Variants in UBA6 observed in about 807,000 individuals in gnomAD.
The protein encoded by UBA6 is ubiquitin like modifier activating enzyme 6.
In UBA6, 87 loss-of-function variants were observed where a neutral mutation model predicts 148.3. The ratio of observed to expected loss-of-function variants is 0.59; its 90% CI spans 0.49 to 0.70. The LOEUF is 0.70. Among genes scored for constraint, UBA6 ranks in the 30% least tolerant of loss-of-function variants. UBA6 has a pLI of 0.00. For missense variants in UBA6, 1,186 were observed against 1,241.2 expected, an observed-to-expected ratio of 0.96 and a Z score of 0.67; for synonymous variants, 376 against 401.0, an observed-to-expected ratio of 0.94 and a Z score of 0.75.
chr4:67,639,207 G>C (rs1729244234), intron 18 of UBA6, 83 bp from the exon 19 acceptor site: 2 of 1,081,876 alleles, frequency 1.8e-6, no homozygotes. Context: ...AGAGTGATAA[G>C]AATGTGTAAG....
chr4:67,623,153 A>C lies in UBA6; in HGVS notation c.2910T>G (p.Asp970Glu), dbSNP rs1400089560. 1 of 1,612,664 alleles carries C rather than the reference A, an allele frequency of 6.2e-7. No homozygotes were observed. The highest frequency in any genetic ancestry group is 1.7e-4 in the Middle Eastern group (1 of 6,056). Residue 970 changes from aspartate to glutamate, a missense_variant, in exon 31 of 33, where the codon GAT becomes GAG. Transcript: ENST00000322244. Reference protein sequence around the residue: ...VHGKEDFTLLDFINAVKEKYG... With the variant: ...VHGKEDFTLLEFINAVKEKYG... The stretch of plus-strand genomic sequence containing the variant: ...ATCTCACTTTGACTGCATTTATGAA[A>C]TCCAAGAGGGTGAAATCTTCTTTTC...
intron 2 of UBA6, among the ~76,000 whole-genome samples, chr4:67,688,456 A>T (rs992606602): frequency 2.6e-5 from 4 of 152,160 alleles, no homozygotes; most frequent in Non-Finnish European, 2.9e-5. Context: ...ATACCATCAG[A>T]GGTAGTAAAA....
chr4:67,696,404 T>A (rs1730835033), intron 2 of UBA6, among the ~76,000 whole-genome samples: 1 of 147,866 alleles, frequency 6.8e-6, no homozygotes, highest in South Asian at 2.2e-4. Flanking sequence ...TGTGTATATA[T>A]ACACACACAT....
In UBA6 at chr4:67,649,050, T is replaced by C; in HGVS notation, c.1248+18A>G. 1 of 1,603,808 alleles carries C rather than the reference T, an allele frequency of 6.2e-7. No homozygotes were observed. Among genetic ancestry groups the C allele is most frequent in the South Asian group, 1.1e-5 (1 of 88,900 alleles). On this transcript the variant is annotated intron_variant, in intron 14 of 32. Coordinates refer to ENST00000322244, the MANE Select transcript of UBA6 (RefSeq NM_018227.6). Reference sequence around the variant, plus strand: ...ATTTCACGAGTAAAGAATTCAACTTTAAAAACTCAGAACTAACCCACTGGC... The same window carrying C: ...ATTTCACGAGTAAAGAATTCAACTTCAAAAACTCAGAACTAACCCACTGGC...
intron 27 of UBA6, among the ~76,000 whole-genome samples, chr4:67,628,825 A>G (rs1268648657): frequency 6.6e-6 from 1 of 151,998 alleles, no homozygotes; most frequent in African/African-American, 2.4e-5. Context: ...GTGGGCATAA[A>G]AAAATATTAA....
chr4:67,682,140 C>A lies in UBA6; in HGVS notation c.208G>T (p.Gly70Cys), dbSNP rs1284325175. 6.2e-7 allele frequency: 1 copy of A among 1,613,668 alleles called. No individual in the cohort carries two copies. The highest frequency in any genetic ancestry group is 1.1e-5 in the South Asian group (1 of 91,044). Residue 70 changes from glycine to cysteine, a missense_variant, in exon 3 of 33, where the codon GGT (glycine) becomes TGT (cysteine). Physicochemically the swap from Gly to Cys is radical, Grantham distance 159. Coordinates refer to ENST00000322244, the MANE Select transcript of UBA6 (RefSeq NM_018227.6). Reference protein sequence around the residue: ...AKSHVFLSGMGGLGLEIAKNL... With the variant: ...AKSHVFLSGMCGLGLEIAKNL... ...TTACCAATTTCCAAACCAAGACCAC[C>A]CATCCCACTTAAGAAAACATGGGAC...
At chr4:67,634,004 C>T (rs1013354099) in intron 22 of UBA6, among the ~76,000 whole-genome samples, 13 of 151,938 alleles carry the variant, frequency 8.6e-5, no homozygotes, top group Admixed American at 6.6e-4. Context: ...TTTATTAGCT[C>T]GCACCATACG....
chr4:67,637,283 T>G (rs71418230), intron 19 of UBA6, among the ~76,000 whole-genome samples: 1 of 145,152 alleles, frequency 6.9e-6, no homozygotes, highest in African/African-American at 2.6e-5. Context: ...GGGCAGCCCC[T>G]GCCCGGCCAG....
rs1285045978 is a variant in UBA6, at chr4:67,618,985, A to G, written c.*12T>C. 1.9e-6 allele frequency: 3 copies of G among 1,611,558 alleles called. No individual in the cohort carries two copies. Among genetic ancestry groups the G allele is most frequent in the Non-Finnish European group, 2.5e-6 (3 of 1,179,330 alleles). On this transcript the variant is annotated 3_prime_UTR_variant, in exon 33 of 33. Transcript: ENST00000322244. Reference sequence around the variant, plus strand: ...ATCAAGTGGTCCTGGAGTAACGTTAAGACAACTTGTATTAATCAGTGTCAT... The same window carrying G: ...ATCAAGTGGTCCTGGAGTAACGTTAGGACAACTTGTATTAATCAGTGTCAT...
chr4:67,642,085 CAG>C lies in UBA6; in HGVS notation c.1477-859_1477-858del, dbSNP rs371771473. On this transcript the variant is annotated intron_variant, in intron 17 of 32. Transcript: ENST00000322244. ...CTCTTTTAATGGAAAAAAAATCAAA[CAG>C]AAAATATCTTTTAACAAAAAAGCTT... 2.8e-3 allele frequency among the ~76,000 whole-genome samples: 420 copies of C among 152,044 alleles called. 1 individual carries two copies. Among genetic ancestry groups the C allele is most frequent in the African/African-American group, 9.6e-3 (397 of 41,518 alleles).
intron 2 of UBA6, among the ~76,000 whole-genome samples, chr4:67,691,110 T>G (rs1439610236): frequency 6.6e-6 from 1 of 152,012 alleles, no homozygotes; most frequent in Non-Finnish European, 1.5e-5. Context: ...ATAAATATAC[T>G]GAAAATTTTT....
At chr4:67,696,022 T>C (rs1478036275) in intron 2 of UBA6, among the ~76,000 whole-genome samples, 1 of 152,190 alleles carries the variant, frequency 6.6e-6, no homozygotes, top group Non-Finnish European at 1.5e-5. Context: ...TCCAATTTCC[T>C]GAAAAAGCAT....
rs1311461467 is a variant in UBA6, at chr4:67,613,999, G to A, written c.*4998C>T. 1 of 151,784 alleles carries A rather than the reference G, an allele frequency of 6.6e-6. No individual in the cohort carries two copies. The highest frequency in any genetic ancestry group is 2.4e-5 in the African/African-American group (1 of 41,286). 9.4% of individuals were successfully genotyped at this position (151,784 alleles called of 1,614,324 possible). Reference sequence around the variant, plus strand: ...TGTCCTTCCTTCCTTTCCAAATCCAGGAGATAATCAACTAAGACCCAGGCA... The same window carrying A: ...TGTCCTTCCTTCCTTTCCAAATCCAAGAGATAATCAACTAAGACCCAGGCA... On this transcript the variant is annotated 3_prime_UTR_variant, in exon 33 of 33. Transcript: ENST00000322244.
chr4:67,624,039 G>C lies in UBA6; in HGVS notation c.2840+87C>G, dbSNP rs1577786920. ...TACACATACACAATAGAAGAAAAAA[G>C]AGGTGAAGCTAGTATTTTTCCCTTT... is the stretch of plus-strand genomic sequence containing the variant. On this transcript the variant is annotated intron_variant, in intron 30 of 32. Transcript: ENST00000322244. 3 of 1,167,818 alleles carry C rather than the reference G, an allele frequency of 2.6e-6. No individual in the cohort carries two copies. In the East Asian group the frequency reaches 7.8e-5, roughly 30 times the overall value. 72.3% of individuals were successfully genotyped at this position (1,167,818 alleles called of 1,614,324 possible).
chr4:67,662,454 A>G, intron 12 of UBA6, 199 bp from the exon 13 acceptor site: 2 of 463,298 alleles, frequency 4.3e-6, no homozygotes, highest in Non-Finnish European at 7.5e-6. Flanking sequence ...TCAGTATATA[A>G]ATAAGTTTAG....
intron 8 of UBA6, among the ~76,000 whole-genome samples, chr4:67,670,085 A>G (rs530165214): frequency 7.2e-5 from 11 of 151,958 alleles, no homozygotes; most frequent in Non-Finnish European, 1.6e-4. Flanking sequence ...AGTAGCTGGG[A>G]CCACACACCA....
intron 17 of UBA6, among the ~76,000 whole-genome samples, chr4:67,641,670 C>A (rs1489288972): frequency 9.1e-6 from 1 of 109,664 alleles, no homozygotes; most frequent in African/African-American, 3.4e-5. Flanking sequence ...TGGTCTTGAA[C>A]TCCTAACCCC....
Position 67,616,048 on chromosome 4 carries a change from G to T in UBA6, c.*2949C>A, listed in dbSNP as rs948201264. The T allele has an allele frequency of 7.7e-6, 3 of 389,132 alleles. No homozygotes were observed. The highest frequency in any genetic ancestry group is 9.1e-6 in the Non-Finnish European group (2 of 220,068). 24.1% of individuals were successfully genotyped at this position (389,132 alleles called of 1,614,324 possible). On this transcript the variant is annotated 3_prime_UTR_variant, in exon 33 of 33. Transcript: ENST00000322244. ...TTTATGTATTTTTGAATATATATGT[G>T]TTTTTGAAAAATATATATTTCTCAA...
intron 2 of UBA6, among the ~76,000 whole-genome samples, chr4:67,694,610 G>A (rs1466210976): frequency 6.6e-6 from 1 of 152,010 alleles, no homozygotes; most frequent in Non-Finnish European, 1.5e-5. Flanking sequence ...TGTTAGCCAG[G>A]ATGGTCTCGA....
Sources: gnomAD v4.1 joint callset for allele counts (sites outside exome capture counted in the v4.1 genomes callset) on GRCh38, gnomAD v4.1.1 for gene constraint, MANE v1.5 for transcripts, NCBI Gene and HGNC (gene_info 2026-07-23, HGNC 2026-07-21) for gene names.